The following CADPS variants were observed in gnomAD, a reference collection of about 807,000 sequenced individuals.
CADPS encodes calcium-dependent secretion activator 1.
Under a neutral mutation model 167.3 loss-of-function variants are expected in CADPS, and 57 were observed. The observed-to-expected ratio is 0.34, with a 90% confidence interval of 0.28 to 0.42. The LOEUF is 0.42. Ranked by LOEUF, CADPS falls within the 20% of genes least tolerant of loss-of-function variation. The pLI, the probability that CADPS is intolerant of heterozygous loss-of-function variation, is 1.00. For synonymous variants in CADPS, 676 were observed against 635.3 expected (o/e 1.06, Z -0.96); for missense variants, 1,414 against 1,738.1 (o/e 0.81, Z 3.32).
intron 1 of CADPS, among the ~76,000 whole-genome samples, chr3:62,866,599 A>G (rs956263063): frequency 6.6e-6 from 1 of 152,086 alleles, no homozygotes; most frequent in Non-Finnish European, 1.5e-5. Context: ...ATAACACTTG[A>G]GTTATAATAA....
intron 28 of CADPS, among the ~76,000 whole-genome samples, chr3:62,405,136 TGGGG>T (rs34330263): frequency 9.7e-5 from 12 of 123,552 alleles, no homozygotes; most frequent in East Asian, 9.3e-4. Context: ...ACATGTAATC[TGGGG>T]GGGGGGGGGG....
intron 1 of CADPS, among the ~76,000 whole-genome samples, chr3:62,872,494 C>G (rs1036399506): frequency 1.3e-5 from 2 of 152,150 alleles, no homozygotes; most frequent in Admixed American, 1.3e-4. Context: ...TATTTAGCAA[C>G]AGTTTGCTGT....
intron 1 of CADPS, among the ~76,000 whole-genome samples, chr3:62,766,841 T>G (rs1341808615): frequency 6.6e-6 from 1 of 152,164 alleles, no homozygotes; most frequent in Non-Finnish European, 1.5e-5. Context: ...TAGGGGCAGG[T>G]CTTCCTGCTA....
At position 62,539,362 on chromosome 3, in the gene CADPS, G is replaced by A. The variant is rs886948652; in HGVS notation, c.1967-2781C>T. On this transcript the variant is annotated intron_variant, in intron 11 of 29. Coordinates refer to ENST00000383710, the MANE Select transcript of CADPS (RefSeq NM_003716.4). ...AGTGGGAATTTCCAGCAAGTAAAGC[G>A]AGCCACCTCTGGATTTTACTTGCCC... Among the ~76,000 whole-genome samples the A allele has an allele frequency of 5.9e-5, 9 of 152,204 alleles. No homozygotes were observed. The East Asian group carries it at 7.7e-4, about 13-fold the overall frequency.
At chr3:62,873,105 G>C (rs768727803) in intron 1 of CADPS, among the ~76,000 whole-genome samples, 188 of 152,338 alleles carry the variant, frequency 1.2e-3, no homozygotes, top group Non-Finnish European at 2.4e-3. Flanking sequence ...TAAAGATGGA[G>C]AGTCTTGTGT....
intron 1 of CADPS, among the ~76,000 whole-genome samples, chr3:62,773,735 T>TA (rs143210261): frequency 0.037 from 5,666 of 152,276 alleles, 156 homozygotes; most frequent in Middle Eastern, 0.058. Context: ...TTCTATCCTC[T>TA]TGCATACCTC....
intron 1 of CADPS, among the ~76,000 whole-genome samples, chr3:62,846,078 TCTC>T (rs2077384294): frequency 6.9e-6 from 1 of 144,262 alleles, no homozygotes; most frequent in South Asian, 2.3e-4. Context: ...TCTCTCTCTC[TCTC>T]TCCTGCCACC....
intron 18 of CADPS, among the ~76,000 whole-genome samples, chr3:62,496,622 C>T (rs950374468): frequency 6.6e-6 from 1 of 152,222 alleles, no homozygotes; most frequent in Non-Finnish European, 1.5e-5. Context: ...TGAATGTGGC[C>T]TTCCACTCTA....
chr3:62,872,983 G>A (rs911378583), intron 1 of CADPS, among the ~76,000 whole-genome samples: 45 of 152,174 alleles, frequency 3.0e-4, no homozygotes, highest in African/African-American at 1.1e-3. Context: ...ATTAGGCCCC[G>A]TGGACTCAAC....
Position 62,542,739 on chromosome 3 carries a change from A to G in CADPS, c.1967-6158T>C, listed in dbSNP as rs73842459. 4.5e-3 allele frequency among the ~76,000 whole-genome samples: 690 copies of G among 152,302 alleles called. 3 individuals carry two copies. Among genetic ancestry groups the G allele is most frequent in the African/African-American group, 0.016 (665 of 41,560 alleles). ...CAGAAATCTTGAATTTAAAACTACTATGGCAATACCCCCAAAAGGATAAGT... is the reference window on the plus strand; with the variant it reads ...CAGAAATCTTGAATTTAAAACTACTGTGGCAATACCCCCAAAAGGATAAGT... On this transcript the variant is annotated intron_variant, in intron 11 of 29. Coordinates refer to ENST00000383710, the MANE Select transcript of CADPS (RefSeq NM_003716.4).
Position 62,874,527 on chromosome 3 carries a change from G to T in CADPS, c.441+62C>A. 7.5e-7 allele frequency: 1 copy of T among 1,334,088 alleles called. No individual in the cohort carries two copies. The allele number at this position is 1,334,088 out of a possible 1,614,324, so 82.6% of individuals were successfully genotyped here. ...GCCAGCTGCGCCGCCAGCTCCCATT[G>T]TTCACCCCGCCCGCCTGGCGACGTC... On this transcript the variant is annotated intron_variant, in intron 1 of 29. Coordinates refer to ENST00000383710, the MANE Select transcript of CADPS (RefSeq NM_003716.4). This position sits in a 1 kb window ranked among gnomAD's most constrained non-coding sequence, Gnocchi z 7.1.
chr3:62,579,348 T>C (rs2152514418), intron 8 of CADPS, among the ~76,000 whole-genome samples: 1 of 152,300 alleles, frequency 6.6e-6, no homozygotes, highest in African/African-American at 2.4e-5. Flanking sequence ...CAATAAATAA[T>C]TCACTGGACT....
intron 28 of CADPS, among the ~76,000 whole-genome samples, chr3:62,409,264 T>C (rs1485035289): frequency 6.6e-6 from 1 of 152,242 alleles, no homozygotes; most frequent in African/African-American, 2.4e-5. Flanking sequence ...TGGTACTTTA[T>C]AGAAGTAATG....
At chr3:62,837,606 A>G (rs990555675) in intron 1 of CADPS, among the ~76,000 whole-genome samples, 2 of 152,112 alleles carry the variant, frequency 1.3e-5, no homozygotes, top group Non-Finnish European at 2.9e-5. Flanking sequence ...GTGCTGCCCT[A>G]TGTCATGTTT....
chr3:62,760,937 G>A (rs1430206370), intron 2 of CADPS, among the ~76,000 whole-genome samples: 1 of 152,164 alleles, frequency 6.6e-6, no homozygotes, highest in Non-Finnish European at 1.5e-5. Context: ...GTTGCAGTGG[G>A]ATTGTCAATT....
intron 1 of CADPS, among the ~76,000 whole-genome samples, chr3:62,870,563 G>T (rs1176413310): frequency 6.6e-6 from 1 of 152,120 alleles, no homozygotes; most frequent in African/African-American, 2.4e-5. Flanking sequence ...ATACAGAAAT[G>T]AGTAGCTTGA....
chr3:62,680,228 CTG>C (rs2076941277), intron 3 of CADPS, among the ~76,000 whole-genome samples: 3 of 152,036 alleles, frequency 2.0e-5, no homozygotes, highest in Admixed American at 2.0e-4. Flanking sequence ...TTTGGAAATT[CTG>C]AGATTGAAAG....
At chr3:62,541,537 G>A (rs193156065) in intron 11 of CADPS, among the ~76,000 whole-genome samples, 81 of 152,282 alleles carry the variant, frequency 5.3e-4, no homozygotes, top group Non-Finnish European at 8.5e-4. Flanking sequence ...CTTACGGAGA[G>A]CAGGTGCACT....
intron 16 of CADPS, chr3:62,513,593 CAGAA>C: frequency 1.6e-6 from 2 of 1,246,140 alleles, no homozygotes; most frequent in South Asian, 1.3e-5. Flanking sequence ...ATAATGAAAA[CAGAA>C]AGAGTGAAGA....
Sources: gnomAD v4.1 joint callset for allele counts (sites outside exome capture counted in the v4.1 genomes callset) on GRCh38, gnomAD v4.1.1 for gene constraint, Gnocchi (gnomAD v3.1) non-coding constraint, MANE v1.5 for transcripts, NCBI Gene and HGNC (gene_info 2026-07-23, HGNC 2026-07-21) for gene names.